The following RAD51 variants were observed in gnomAD, a reference collection of about 807,000 sequenced individuals.
The protein encoded by RAD51 is DNA repair protein RAD51 homolog 1.
Under a neutral mutation model 41.5 loss-of-function variants are expected in RAD51, and 14 were observed. The ratio of observed to expected loss-of-function variants is 0.34; its 90% confidence interval spans 0.22 to 0.53. RAD51 has a LOEUF of 0.53. RAD51 is among the 20% of genes least tolerant of loss of function. The pLI is 0.95. For synonymous variants in RAD51, 136 were observed against 148.6 expected (o/e 0.92, Z 0.62); for missense variants, 234 against 422.0 (o/e 0.55, Z 3.90).
intron 3 of RAD51, among the ~76,000 whole-genome samples, chr15:40,703,800 A>T (rs576624355): frequency 6.6e-6 from 1 of 151,766 alleles, no homozygotes; most frequent in Non-Finnish European, 1.5e-5. Flanking sequence ...ATTTTTCTCT[A>T]TTATTCTGCC....
chr15:40,711,384 GCCA>G (rs1895699117), intron 5 of RAD51, among the ~76,000 whole-genome samples: 1 of 152,206 alleles, frequency 6.6e-6, no homozygotes, highest in South Asian at 2.1e-4. Context: ...CTGGGATCGT[GCCA>G]CTGCATGTTT....
intron 5 of RAD51, among the ~76,000 whole-genome samples, chr15:40,717,686 G>T (rs1324306805): frequency 1.3e-5 from 2 of 151,942 alleles, no homozygotes; most frequent in Non-Finnish European, 2.9e-5. Context: ...TACTATTGGA[G>T]TAAATATGTT....
intron 3 of RAD51, among the ~76,000 whole-genome samples, chr15:40,703,718 T>C (rs45504895): frequency 0.11 from 17,220 of 152,104 alleles, 1,189 homozygotes; most frequent in African/African-American, 0.2. Context: ...TTCTCTTTTT[T>C]TCTCGGGCAA....
At chr15:40,704,053 C>T (rs1895168793) in intron 3 of RAD51, among the ~76,000 whole-genome samples, 2 of 151,898 alleles carry the variant, frequency 1.3e-5, no homozygotes, top group Admixed American at 6.6e-5. Context: ...CAGGCACGCC[C>T]CACCATGCCC....
At chr15:40,721,033 T>C (rs1297425790) in intron 6 of RAD51, among the ~76,000 whole-genome samples, 1 of 152,154 alleles carries the variant, frequency 6.6e-6, no homozygotes, top group Non-Finnish European at 1.5e-5. Context: ...AATACAAAAA[T>C]TAGCCAGGCA....
intron 5 of RAD51, among the ~76,000 whole-genome samples, chr15:40,710,501 CAAAAAAAAAAAAAAAA>C (rs747933816): frequency 4.1e-5 from 2 of 48,764 alleles, no homozygotes; most frequent in South Asian, 1.8e-3. Context: ...GACTCTGTCT[CAAAAAAAAAAAAAAAA>C]AAAAAAAGAA....
At chr15:40,695,658 C>A (rs1567034852) in intron 1 of RAD51, 1 of 152,250 alleles carries the variant, frequency 6.6e-6, no homozygotes, top group African/African-American at 2.4e-5. Flanking sequence ...ATAGGCAACA[C>A]CTATTTTATG....
intron 4 of RAD51, among the ~76,000 whole-genome samples, chr15:40,707,073 C>G (rs934122825): frequency 6.6e-6 from 1 of 151,340 alleles, no homozygotes; most frequent in Non-Finnish European, 1.5e-5. Flanking sequence ...TCACTGCAAC[C>G]TCTGCTTCCT....
At chr15:40,697,350 C>T (rs1393257472) in intron 1 of RAD51, among the ~76,000 whole-genome samples, 3 of 152,110 alleles carry the variant, frequency 2.0e-5, no homozygotes, top group Non-Finnish European at 4.4e-5. Flanking sequence ...GTGATCTGCC[C>T]GCCTTGGCCT....
At chr15:40,719,094 G>A (rs1057470222) in intron 6 of RAD51, among the ~76,000 whole-genome samples, 195 bp downstream of exon 6, 1 of 148,484 alleles carries the variant, frequency 6.7e-6, no homozygotes, top group Non-Finnish European at 1.5e-5. Flanking sequence ...TCTCGCTCTT[G>A]TCACCCAGGC....
At chr15:40,716,252 G>T (rs1285097205) in intron 5 of RAD51, among the ~76,000 whole-genome samples, 1 of 152,160 alleles carries the variant, frequency 6.6e-6, no homozygotes, top group East Asian at 1.9e-4. Context: ...CAGTCACATA[G>T]TAAGTGGAAG....
intron 6 of RAD51, among the ~76,000 whole-genome samples, chr15:40,725,931 A>G (rs1046445486): frequency 6.6e-6 from 1 of 152,074 alleles, no homozygotes; most frequent in Admixed American, 6.6e-5. Flanking sequence ...GGTTGCAGTG[A>G]GCCAGGATCG....
chr15:40,701,466 C>T (rs946380445), intron 3 of RAD51, among the ~76,000 whole-genome samples: 5 of 150,814 alleles, frequency 3.3e-5, no homozygotes, highest in African/African-American at 7.3e-5. Context: ...CCTTCACCTC[C>T]CAAGCTCAAG....
chr15:40,730,515 T>TTTTTCTTTTTTTTTTTTTTTC (rs1896817136), intron 9 of RAD51, among the ~76,000 whole-genome samples: 1 of 117,654 alleles, frequency 8.5e-6, no homozygotes, highest in Non-Finnish European at 1.6e-5. Context: ...GAAAAAATTT[T>TTTTTCTTTTTTTTTTTTTTTC]TTTTCTTTTT....
intron 2 of RAD51, among the ~76,000 whole-genome samples, chr15:40,700,462 T>A (rs1221115137): frequency 1.3e-5 from 2 of 152,194 alleles, no homozygotes; most frequent in Non-Finnish European, 2.9e-5. Flanking sequence ...TACAGTTTTT[T>A]ATGTGTGCTT....
chr15:40,697,525 T>C (rs45597232), intron 1 of RAD51, among the ~76,000 whole-genome samples: 320 of 152,256 alleles, frequency 2.1e-3, no homozygotes, highest in Non-Finnish European at 3.8e-3. Flanking sequence ...AGTGTTACTT[T>C]GTTTTTGACA....
intron 3 of RAD51, among the ~76,000 whole-genome samples, chr15:40,703,888 A>G (rs1464712906): frequency 6.6e-6 from 1 of 151,284 alleles, no homozygotes; most frequent in Non-Finnish European, 1.5e-5. Flanking sequence ...TTTTCTTTGG[A>G]AGGTTAGGTT....
chr15:40,726,928 A>AG (rs1896618908), intron 6 of RAD51, among the ~76,000 whole-genome samples: 10 of 149,614 alleles, frequency 6.7e-5, no homozygotes, highest in Admixed American at 6.6e-4. Flanking sequence ...AAAAAAAAAA[A>AG]GAGGATGGTA....
In RAD51 at chr15:40,731,056, T is replaced by C. The variant is rs1238760444; in HGVS notation, c.898T>C (p.Leu300=). The change falls in exon 10 of 10, where the codon TTG becomes CTG. Residue 300 remains leucine, a splice_region_variant and synonymous_variant. Transcript: ENST00000267868. ...NIIAHASTTR[L]YLRKGRGETR... ...CTTTGGTCTGTGTCTTTGGGTCAGATTGTATCTGAGGAAAGGAAGAGGGGA... is the reference window on the plus strand; with the variant it reads ...CTTTGGTCTGTGTCTTTGGGTCAGACTGTATCTGAGGAAAGGAAGAGGGGA... The C allele has an allele frequency of 6.2e-7, 1 of 1,614,028 alleles. No individual in the cohort carries two copies. Among genetic ancestry groups the C allele is most frequent in the South Asian group, 1.1e-5 (1 of 91,076 alleles).
Sources: allele counts gnomAD v4.1 joint callset (sites outside exome capture counted in the v4.1 genomes callset), GRCh38; gene constraint gnomAD v4.1.1; transcripts MANE v1.5; gene names NCBI Gene and HGNC (gene_info 2026-07-23, HGNC 2026-07-21).